NAA35: variants seen among roughly 807,000 people sequenced by gnomAD.
NAA35 encodes the protein N-alpha-acetyltransferase 35, NatC auxiliary subunit.
NAA35 carries 18 observed loss-of-function variants against 101.7 expected under a neutral mutation model. That is an observed-to-expected ratio of 0.18 (90% CI 0.12 to 0.26). The LOEUF is 0.26. NAA35 is among the 10% of genes least tolerant of loss of function. NAA35 has a pLI of 1.00. For missense variants in NAA35, 601 were observed against 886.8 expected (o/e 0.68, Z 4.09); for synonymous variants, 267 against 273.1 (o/e 0.98, Z 0.22).
At chr9:86,020,101 G>A (rs549919672) in intron 21 of NAA35, among the ~76,000 whole-genome samples, 1 of 152,294 alleles carries the variant, frequency 6.6e-6, no homozygotes, top group East Asian at 1.9e-4. Context: ...GGGCAAGGAA[G>A]CCTATATGTA....
At chr9:85,980,514 A>G (rs1388526555) in intron 11 of NAA35, among the ~76,000 whole-genome samples, 1 of 152,180 alleles carries the variant, frequency 6.6e-6, no homozygotes, top group Non-Finnish European at 1.5e-5. Flanking sequence ...GACCAAATAT[A>G]TATTTCATAA....
intron 11 of NAA35, among the ~76,000 whole-genome samples, chr9:85,987,751 T>G (rs542313801): frequency 6.6e-6 from 1 of 152,200 alleles, no homozygotes; most frequent in East Asian, 1.9e-4. Context: ...ATAACCAGAA[T>G]CAAAATAGAA....
rs772631407 is a variant in NAA35 at position 86,022,246 on chromosome 9, T to C, written c.*286T>C. On this transcript the variant is annotated 3_prime_UTR_variant, in exon 23 of 23. Coordinates refer to ENST00000361671, the MANE Select transcript of NAA35 (RefSeq NM_024635.4). ...ATCACAAATCATTTTTTATGAATGATTGAGTGAAAATAGTGTTTATAAAGG... is the reference window on the plus strand; with the variant it reads ...ATCACAAATCATTTTTTATGAATGACTGAGTGAAAATAGTGTTTATAAAGG... 2 of 262,392 alleles carry C rather than the reference T, an allele frequency of 7.6e-6. No homozygotes were observed. The highest frequency in any genetic ancestry group is 1.0e-4 in the South Asian group (1 of 9,682). 16.3% of individuals were successfully genotyped at this position (262,392 alleles called of 1,614,324 possible). A position where few individuals can be genotyped will look rare whatever the true frequency, so the allele number is the denominator to read the frequency against.
At chr9:85,942,426 T>A (rs1053434620) in intron 2 of NAA35, 143 bp downstream of exon 2, 4 of 1,115,432 alleles carry the variant, frequency 3.6e-6, no homozygotes, top group Non-Finnish European at 3.9e-6. Flanking sequence ...CTGTATCCTC[T>A]AATTTTAACT....
Position 86,018,278 on chromosome 9 carries a change from C to A in NAA35, c.1797C>A (p.Asp599Glu), listed in dbSNP as rs113466696. Residue 599 changes from aspartate to glutamate, a missense_variant, in exon 20 of 23, where the codon GAC becomes GAA. Around this residue, in one of 8 missense-constraint regions of NAA35, gnomAD observed 90 missense variants for 108.7 expected, o/e 0.83. Transcript: ENST00000361671. ...MFKTMVAFDM[D>E]GKVRKPKFEL... ...AGACCATGGTAGCATTTGACATGGA[C>A]GGCAAAGTACGTAAACCGAAGTTTG... 2 of 1,612,972 alleles carry A rather than the reference C, an allele frequency of 1.2e-6. No homozygotes were observed. The highest frequency in any genetic ancestry group is 1.7e-6 in the Non-Finnish European group (2 of 1,179,388).
chr9:86,012,747 C>G (rs768397003), intron 15 of NAA35, among the ~76,000 whole-genome samples: 7 of 152,140 alleles, frequency 4.6e-5, no homozygotes, highest in Non-Finnish European at 8.8e-5. Context: ...GCTTTTGACT[C>G]AAGCAGGAAA....
chr9:85,962,139 A>C lies in NAA35; in HGVS notation c.475A>C (p.Ile159Leu). 6.2e-7 allele frequency: 1 copy of C among 1,614,100 alleles called. No individual in the cohort carries two copies. Among genetic ancestry groups the C allele is most frequent in the Non-Finnish European group, 8.5e-7 (1 of 1,179,998 alleles). Reference sequence around the variant, plus strand: ...TCTGGGAATCTTGAAAATCTGTGACATTGCAAGGGAAAAAGTAAATAAAGC... The same window carrying C: ...TCTGGGAATCTTGAAAATCTGTGACCTTGCAAGGGAAAAAGTAAATAAAGC... ...FALGILKICD[I>L]AREKVNKAAV... Residue 159 changes from isoleucine (I) to leucine (L), a missense_variant, in exon 6 of 23, where the codon ATT becomes CTT. Coordinates refer to ENST00000361671, the MANE Select transcript of NAA35 (RefSeq NM_024635.4).
chr9:86,016,523 T>A lies in NAA35; in HGVS notation c.1569-16T>A. 1 of 1,607,068 alleles carries A rather than the reference T, an allele frequency of 6.2e-7. No individual in the cohort carries two copies. The highest frequency in any genetic ancestry group is 1.7e-4 in the Middle Eastern group (1 of 6,014). ...TTTAGACATCTACCATTAACTAACA[T>A]TTTGTATCCTTTAAGGTATCTCTCT... On this transcript the variant is annotated splice_polypyrimidine_tract_variant and intron_variant, in intron 17 of 22. Transcript: ENST00000361671.
intron 6 of NAA35, among the ~76,000 whole-genome samples, chr9:85,968,003 T>A (rs1370922076): frequency 6.6e-6 from 1 of 152,112 alleles, no homozygotes; most frequent in Non-Finnish European, 1.5e-5. Context: ...TCTTGCAATA[T>A]CATACTGCCA....
chr9:85,981,540 T>G (rs1301968063), intron 11 of NAA35, among the ~76,000 whole-genome samples: 1 of 152,208 alleles, frequency 6.6e-6, no homozygotes, highest in Non-Finnish European at 1.5e-5. Context: ...TTTCTATATT[T>G]CAGACCAGTG....
chr9:86,022,868 C>T lies in NAA35; in HGVS notation c.*908C>T, dbSNP rs1832628829. ...TGTTTGCGGTGGCAGCTTTCTAGGCCTCTTGGGCCTTCCTTTTTGTCCTCT... is the reference window on the plus strand; with the variant it reads ...TGTTTGCGGTGGCAGCTTTCTAGGCTTCTTGGGCCTTCCTTTTTGTCCTCT... On this transcript the variant is annotated 3_prime_UTR_variant, in exon 23 of 23. Coordinates refer to ENST00000361671, the MANE Select transcript of NAA35 (RefSeq NM_024635.4). 6.6e-6 allele frequency among the ~76,000 whole-genome samples: 1 copy of T among 152,024 alleles called. No homozygotes were observed. Among genetic ancestry groups the T allele is most frequent in the Non-Finnish European group, 1.5e-5 (1 of 68,026 alleles).
chr9:85,953,928 C>T (rs912618061), intron 2 of NAA35, among the ~76,000 whole-genome samples: 1 of 152,132 alleles, frequency 6.6e-6, no homozygotes, highest in African/African-American at 2.4e-5. Flanking sequence ...ATTCATCTGT[C>T]AATGGGCGCT....
chr9:85,986,454 C>T (rs1021324983), intron 11 of NAA35: 1 of 469,968 alleles, frequency 2.1e-6, no homozygotes, highest in African/African-American at 2.0e-5. Context: ...CACATTGTCT[C>T]TGACTTCCTC....
At chr9:85,978,439 GT>G in intron 11 of NAA35, 58 bp downstream of exon 11, 1 of 1,220,822 alleles carries the variant, frequency 8.2e-7, no homozygotes, top group South Asian at 1.2e-5. Flanking sequence ...AAAATATTTA[GT>G]GCTTAGCTTG....
chr9:86,018,221 T>A, intron 19 of NAA35, 34 bp from the exon 20 acceptor site: 1 of 1,588,132 alleles, frequency 6.3e-7, no homozygotes, highest in Non-Finnish European at 8.6e-7. Flanking sequence ...TTCATATTGA[T>A]TTCATCTTTT....
chr9:85,955,345 TA>T lies in NAA35; in HGVS notation c.125-1014del, dbSNP rs1418205604. ...CTATATACATATATATATATATATA[TA>T]TATATATATATATATTTTTTTTTTT... On this transcript the variant is annotated intron_variant, in intron 2 of 22. Coordinates refer to ENST00000361671, the MANE Select transcript of NAA35 (RefSeq NM_024635.4). Among the ~76,000 whole-genome samples, 565 of 72,922 alleles carry T rather than the reference TA, an allele frequency of 7.7e-3. 9 individuals carry two copies. The highest frequency in any genetic ancestry group is 0.022 in the African/African-American group (323 of 15,008). The allele number at this position is 72,922 out of a possible 152,430, so 47.8% of individuals were successfully genotyped here.
At chr9:85,941,905 C>G (rs942028514) in intron 1 of NAA35, 38 of 1,196,326 alleles carry the variant, frequency 3.2e-5, no homozygotes, top group Admixed American at 4.1e-5. Flanking sequence ...TCTTCTTAAA[C>G]AGTAGGAAGG....
At chr9:85,970,171 A>C (rs1362473591) in intron 6 of NAA35, among the ~76,000 whole-genome samples, 1 of 152,226 alleles carries the variant, frequency 6.6e-6, no homozygotes, top group Non-Finnish European at 1.5e-5. Flanking sequence ...TACCATAGAA[A>C]TATAATGTAA....
intron 11 of NAA35, among the ~76,000 whole-genome samples, chr9:85,990,724 G>A (rs145040836): frequency 5.7e-4 from 87 of 152,310 alleles, no homozygotes; most frequent in Non-Finnish European, 9.8e-4. Flanking sequence ...GGGCATGTGC[G>A]CTAGAGCGAG....
Sources: allele counts gnomAD v4.1 joint callset (sites outside exome capture counted in the v4.1 genomes callset), GRCh38; gene constraint gnomAD v4.1.1; regional missense constraint gnomAD v4.1.1; transcripts MANE v1.5; gene names NCBI Gene and HGNC (gene_info 2026-07-23, HGNC 2026-07-21).